The following UNC79 variants were observed in gnomAD, a reference collection of about 807,000 sequenced individuals.
UNC79 encodes the protein unc-79 subunit of NALCN channel complex.
Under a neutral mutation model 283.1 loss-of-function variants are expected in UNC79, and 37 were observed. The observed-to-expected ratio is 0.13, with a 90% CI of 0.10 to 0.17. The LOEUF (loss-of-function observed/expected upper bound fraction) is 0.17, where lower values mean the gene tolerates loss of function less well. Among genes scored for constraint, UNC79 ranks in the 10% least tolerant of loss-of-function variants. The pLI is 1.00. For missense variants in UNC79, 2,272 were observed against 3,211.1 expected (o/e 0.71, Z 7.07); for synonymous variants, 1,107 against 1,200.2 (o/e 0.92, Z 1.61).
chr14:93,543,168 T>C (rs544154256), intron 14 of UNC79, among the ~76,000 whole-genome samples: 2 of 151,498 alleles, frequency 1.3e-5, no homozygotes, highest in African/African-American at 2.4e-5. Flanking sequence ...ACCATTCAAA[T>C]AGGGGAAATG....
intron 5 of UNC79, among the ~76,000 whole-genome samples, chr14:93,492,268 A>G (rs1051526382): frequency 2.6e-5 from 4 of 152,268 alleles, no homozygotes; most frequent in Non-Finnish European, 4.4e-5. Context: ...GTGTTAATTT[A>G]TCAGAAGGAG....
intron 14 of UNC79, among the ~76,000 whole-genome samples, chr14:93,553,983 A>G (rs960666958): frequency 2.0e-5 from 3 of 152,248 alleles, no homozygotes; most frequent in Non-Finnish European, 4.4e-5. Context: ...GATTAACTCA[A>G]AGATTTCTAA....
intron 1 of UNC79, among the ~76,000 whole-genome samples, chr14:93,444,824 A>C (rs530751714): frequency 6.6e-6 from 1 of 152,250 alleles, no homozygotes; most frequent in South Asian, 2.1e-4. Flanking sequence ...ATTTTTCAAA[A>C]CTGTTTCAAC....
chr14:93,403,715 AT>A (rs1051733430), intron 1 of UNC79, among the ~76,000 whole-genome samples: 2 of 151,852 alleles, frequency 1.3e-5, no homozygotes, highest in African/African-American at 2.4e-5. Context: ...GATTAAAAAA[AT>A]TTTTTTTTAT....
intron 14 of UNC79, among the ~76,000 whole-genome samples, chr14:93,569,460 T>C (rs2063091205): frequency 6.6e-6 from 1 of 151,994 alleles, no homozygotes; most frequent in Non-Finnish European, 1.5e-5. Flanking sequence ...AAATAAAAAA[T>C]AAGAGATTGC....
chr14:93,333,432 ATCTTTC>A (rs1377882370), exon 1 of UNC79: 1 of 398,494 alleles, frequency 2.5e-6, no homozygotes, highest in Non-Finnish European at 4.4e-6. Context: ...CAATGAGTGC[ATCTTTC>A]TCGAGAACAA....
chr14:93,509,762 G>C (rs540379112), intron 7 of UNC79, among the ~76,000 whole-genome samples: 1 of 152,254 alleles, frequency 6.6e-6, no homozygotes, highest in Non-Finnish European at 1.5e-5. Flanking sequence ...CTGGTGTTGA[G>C]TACCCGCAGC....
chr14:93,390,607 G>A (rs1311693377), intron 1 of UNC79, among the ~76,000 whole-genome samples: 1 of 152,092 alleles, frequency 6.6e-6, no homozygotes, highest in Non-Finnish European at 1.5e-5. Flanking sequence ...TAATAAATTA[G>A]CAAGTTTGTA....
At chr14:93,409,126 C>T (rs1412799037) in intron 1 of UNC79, among the ~76,000 whole-genome samples, 1 of 152,114 alleles carries the variant, frequency 6.6e-6, no homozygotes, top group African/African-American at 2.4e-5. Context: ...CAAGTCAAAA[C>T]TCTCATTATT....
chr14:93,431,065 G>A lies in UNC79; in HGVS notation c.22+14G>A, dbSNP rs562694521. 6.3e-4 allele frequency: 443 copies of A among 700,980 alleles called. 5 individuals carry two copies. The East Asian group carries it at 0.011, about 17-fold the overall frequency. 43.4% of individuals were successfully genotyped at this position (700,980 alleles called of 1,614,324 possible). ...AAGCGGAGCAGTGTAAGTAGCAGCC[G>A]GCCCGGCATTCCGGCCCGGCCTCGG... is the stretch of plus-strand genomic sequence containing the variant. On this transcript the variant is annotated intron_variant, in intron 1 of 48. Coordinates refer to ENST00000555664, the Ensembl canonical transcript of UNC79.
intron 8 of UNC79, among the ~76,000 whole-genome samples, chr14:93,528,289 A>T (rs1014740676): frequency 6.6e-6 from 1 of 152,190 alleles, no homozygotes; most frequent in Non-Finnish European, 1.5e-5. Flanking sequence ...TCTTTGTGGA[A>T]TGAGAGTGAA....
At chr14:93,658,725 G>T (rs568910486) in intron 38 of UNC79, among the ~76,000 whole-genome samples, 5 of 152,188 alleles carry the variant, frequency 3.3e-5, no homozygotes, top group Admixed American at 6.5e-5. Flanking sequence ...TGGATTCATG[G>T]TTTTTTTAAA....
At position 93,430,864 on chromosome 14, in the gene UNC79, G is replaced by A. The variant is rs2055845607; in HGVS notation, c.-166G>A. On this transcript the variant is annotated 5_prime_UTR_variant, in exon 1 of 49. Transcript: ENST00000555664. This position sits in a 1 kb window ranked among gnomAD's most constrained non-coding sequence, Gnocchi z 4.6. ...CTTCCGGGACCGAATTCTGCAATTTGATGTGCGTTTTGTCCGAATGGTAGC... is the reference window on the plus strand; with the variant it reads ...CTTCCGGGACCGAATTCTGCAATTTAATGTGCGTTTTGTCCGAATGGTAGC... 1 of 528,928 alleles carries A rather than the reference G, an allele frequency of 1.9e-6. No homozygotes were observed. Among genetic ancestry groups the A allele is most frequent in the Non-Finnish European group, 3.4e-6 (1 of 292,554 alleles). 32.8% of individuals were successfully genotyped at this position (528,928 alleles called of 1,614,324 possible). A position where few individuals can be genotyped will look rare whatever the true frequency, so the allele number is the denominator to read the frequency against.
intron 44 of UNC79, 176 bp from the exon 48 acceptor site, chr14:93,689,941 G>A (rs2074558393): frequency 3.1e-6 from 2 of 645,724 alleles, no homozygotes; most frequent in South Asian, 2.1e-5. Context: ...GGATTAGAGT[G>A]GAAAACAAGA....
At chr14:93,448,965 G>C (rs1214248751) in intron 1 of UNC79, among the ~76,000 whole-genome samples, 1 of 152,202 alleles carries the variant, frequency 6.6e-6, no homozygotes, top group Admixed American at 6.5e-5. Flanking sequence ...TTTGACTCCT[G>C]TTTTCAGACT....
intron 20 of UNC79, among the ~76,000 whole-genome samples, chr14:93,585,863 T>C (rs971929964): frequency 2.6e-5 from 4 of 151,644 alleles, no homozygotes; most frequent in African/African-American, 7.3e-5. Flanking sequence ...CTAGTACAAA[T>C]TGAACACCTC....
At chr14:93,487,731 G>T (rs1315257938) in exon 5 of UNC79, 3 of 1,613,824 alleles carry the variant, frequency 1.9e-6, no homozygotes, top group South Asian at 1.1e-5. Flanking sequence ...GCTAATGATT[G>T]CAATGCAGTA....
intron 1 of UNC79, among the ~76,000 whole-genome samples, chr14:93,410,348 TGCTCTGGGAC>T (rs1388189466): frequency 6.6e-6 from 1 of 152,088 alleles, no homozygotes; most frequent in Non-Finnish European, 1.5e-5. Flanking sequence ...AGGGATGGAG[TGCTCTGGGAC>T]CCTCATTAAA....
intron 4 of UNC79, among the ~76,000 whole-genome samples, chr14:93,482,859 C>T: frequency 6.6e-6 from 1 of 152,192 alleles, no homozygotes; most frequent in East Asian, 1.9e-4. Context: ...CATGCCACTT[C>T]CTTCAGCAAA....
Sources: allele counts gnomAD v4.1 joint callset (sites outside exome capture counted in the v4.1 genomes callset), GRCh38; gene constraint gnomAD v4.1.1; non-coding constraint Gnocchi (gnomAD v3.1); transcripts MANE v1.5; gene names NCBI Gene and HGNC (gene_info 2026-07-23, HGNC 2026-07-21).